DDX27: variants seen among roughly 807,000 people sequenced by gnomAD.
DDX27 encodes the protein DEAD-box helicase 27.
A neutral mutation model predicts 99.3 loss-of-function variants in DDX27; 42 were observed. That is an observed-to-expected ratio of 0.42 (90% CI 0.33 to 0.55). The LOEUF is 0.55. DDX27 is among the 20% of genes least tolerant of loss of function. The pLI, the probability that DDX27 is intolerant of heterozygous loss-of-function variation, is 0.07. For synonymous variants in DDX27, 329 were observed against 353.8 expected, an observed-to-expected ratio of 0.93 and a Z score of 0.79; for missense variants, 798 against 976.8, an observed-to-expected ratio of 0.82 and a Z score of 2.44.
chr20:49,228,934 G>C lies in DDX27; in HGVS notation c.880+46G>C, dbSNP rs1388595202. 4 of 1,515,726 alleles carry C rather than the reference G, an allele frequency of 2.6e-6. No individual in the cohort carries two copies. The African/African-American group carries it at 5.5e-5, about 21-fold the overall frequency. 93.9% of individuals were successfully genotyped at this position (1,515,726 alleles called of 1,614,324 possible). ...TGCCAGCCCCTGAGAGACTGTGGTG[G>C]GGTGGAGGATGGATGTGCCCCGCCA... is the stretch of plus-strand genomic sequence containing the variant. On this transcript the variant is annotated intron_variant, in intron 8 of 20. Coordinates refer to ENST00000618172, the MANE Select transcript of DDX27 (RefSeq NM_017895.8).
intron 9 of DDX27, among the ~76,000 whole-genome samples, 196 bp from the exon 10 acceptor site, chr20:49,233,110 C>G (rs908978366): frequency 7.2e-5 from 11 of 152,172 alleles, no homozygotes; most frequent in African/African-American, 2.4e-4. Flanking sequence ...GTTATAACAT[C>G]TGTGACTGAC....
In DDX27 at chr20:49,221,372, G is replaced by T. The variant is rs1979675501; in HGVS notation, c.94-80G>T. The T allele has an allele frequency of 3.2e-6, 5 of 1,556,758 alleles. No individual in the cohort carries two copies. In the East Asian group the frequency reaches 1.1e-4, roughly 35 times the overall value. On this transcript the variant is annotated intron_variant, in intron 1 of 20. Transcript: ENST00000618172. ...TAAAGTGCTGGGATTACAGGTGTGA[G>T]CCACTGTGCCTGGCCCCTTCTTGCT...
At chr20:49,238,803 T>G in intron 14 of DDX27, 146 bp from the exon 15 acceptor site, 5 of 414,794 alleles carry the variant, frequency 1.2e-5, no homozygotes, top group South Asian at 2.7e-5. Flanking sequence ...AGAGACAGAG[T>G]CTGGCCACGT....
intron 1 of DDX27, among the ~76,000 whole-genome samples, chr20:49,220,583 A>G (rs1458577730): frequency 6.6e-6 from 1 of 151,538 alleles, no homozygotes; most frequent in African/African-American, 2.4e-5. Flanking sequence ...GGTCCCGTAC[A>G]CTGTCGCCAT....
chr20:49,237,773 G>A (rs1218416542), intron 14 of DDX27, among the ~76,000 whole-genome samples: 1 of 152,184 alleles, frequency 6.6e-6, no homozygotes, highest in East Asian at 1.9e-4. Context: ...GCTGAGCTGA[G>A]AGAACAAGGG....
chr20:49,232,855 G>C (rs2146714482), intron 9 of DDX27: 2 of 157,962 alleles, frequency 1.3e-5, no homozygotes. Flanking sequence ...CGGGAGAATC[G>C]CTTGAACCCG....
intron 7 of DDX27, among the ~76,000 whole-genome samples, chr20:49,226,955 C>T (rs967381423): frequency 1.6e-4 from 23 of 146,510 alleles, no homozygotes; most frequent in African/African-American, 4.5e-4. Flanking sequence ...CTCCGCCTCC[C>T]GGGTTCACGC....
chr20:49,230,065 T>C (rs1454280335), intron 8 of DDX27, 134 bp from the exon 9 acceptor site: 7 of 987,212 alleles, frequency 7.1e-6, no homozygotes, highest in Non-Finnish European at 8.6e-6. Context: ...ACCCATGTGC[T>C]TGGGCCTTTG....
intron 2 of DDX27, 113 bp downstream of exon 2, chr20:49,221,711 A>T: frequency 1.2e-6 from 1 of 862,248 alleles, no homozygotes; most frequent in South Asian, 2.7e-5. Flanking sequence ...AGCAGATACT[A>T]CAACTCCTTT....
Position 49,242,671 on chromosome 20 carries a change from T to C in DDX27, c.2194T>C (p.Tyr732His). The C allele has an allele frequency of 6.2e-7, 1 of 1,613,738 alleles. No homozygotes were observed. Among genetic ancestry groups the C allele is most frequent in the South Asian group, 1.1e-5 (1 of 91,060 alleles). Residue 732 changes from tyrosine (Y) to histidine (H), a missense_variant, in exon 19 of 21, where the codon TAT (tyrosine) becomes CAT (histidine). Tyr to His is a moderately conservative substitution (Grantham distance 83). Around this residue, in one of 2 missense-constraint regions of DDX27, gnomAD observed 553 missense variants for 727.9 expected, o/e 0.76. Coordinates refer to ENST00000618172, the MANE Select transcript of DDX27 (RefSeq NM_017895.8). The part of the protein sequence containing the change: ...TNTSKKALKQ[Y>H]RAGPSFEERK... The stretch of plus-strand genomic sequence containing the variant: ...CACAAGCAAGAAGGCCCTGAAACAG[T>C]ATCGAGCTGGGTAGGATTTTAAGTC...
chr20:49,242,717 CTTTTT>C (rs71186444), intron 19 of DDX27, 36 bp downstream of exon 19: 156 of 1,419,540 alleles, frequency 1.1e-4, no homozygotes, highest in East Asian at 4.0e-4. Flanking sequence ...CCTTGGTATT[CTTTTT>C]TTTTTTTTTT....
intron 7 of DDX27, 102 bp downstream of exon 7, chr20:49,226,637 G>A: frequency 2.8e-6 from 2 of 724,456 alleles, no homozygotes; most frequent in Non-Finnish European, 4.4e-6. Context: ...AATATTCTTG[G>A]TTTTTTGAAC....
intron 19 of DDX27, 85 bp downstream of exon 19, chr20:49,242,766 A>T (rs1312556089): frequency 1.2e-5 from 15 of 1,218,268 alleles, no homozygotes; most frequent in Non-Finnish European, 1.2e-6. Flanking sequence ...TCTGTCGCCC[A>T]GGGTGGAGTG....
rs1178927088 is a variant in DDX27, at chr20:49,236,564, CAG to C, written c.1687+57_1687+58del. The C allele has an allele frequency of 6.7e-7, 1 of 1,489,830 alleles. No homozygotes were observed. Among genetic ancestry groups the C allele is most frequent in the Non-Finnish European group, 9.0e-7 (1 of 1,116,154 alleles). 92.3% of individuals were successfully genotyped at this position (1,489,830 alleles called of 1,614,324 possible). A position where few individuals can be genotyped will look rare whatever the true frequency, so the allele number is the denominator to read the frequency against. ...AATGGCTCGGTGGGCGGGGCAAGGA[CAG>C]AGTGTAATGGCTGAGAGCAGGTACT... is the stretch of plus-strand genomic sequence containing the variant. On this transcript the variant is annotated intron_variant, in intron 14 of 20. Coordinates refer to ENST00000618172, the MANE Select transcript of DDX27 (RefSeq NM_017895.8). This position sits in a 1 kb window ranked among gnomAD's most constrained non-coding sequence, Gnocchi z 4.1.
rs373756644 is a variant in DDX27, at chr20:49,242,707, C to A, written c.2204+26C>A. The A allele has an allele frequency of 7.4e-5, 115 of 1,563,592 alleles. 2 individuals are homozygous for A. The African/African-American group carries it at 1.4e-3, about 20-fold the overall frequency. ...GTAGGATTTTAAGTCATCATGGAGCCCTTGGTATTCTTTTTTTTTTTTTTT... is the reference window on the plus strand; with the variant it reads ...GTAGGATTTTAAGTCATCATGGAGCACTTGGTATTCTTTTTTTTTTTTTTT... On this transcript the variant is annotated intron_variant, in intron 19 of 20. Coordinates refer to ENST00000618172, the MANE Select transcript of DDX27 (RefSeq NM_017895.8).
At chr20:49,238,452 C>T in intron 14 of DDX27, 1 of 162,300 alleles carries the variant, frequency 6.2e-6, no homozygotes, top group Non-Finnish European at 1.3e-5. Flanking sequence ...CAGGTGTGTG[C>T]CACCATGATG....
In DDX27 at chr20:49,223,569, TTTC is replaced by T. The variant is rs1014302374; in HGVS notation, c.466+139_466+141del. 4.9e-5 allele frequency: 36 copies of T among 736,854 alleles called. No individual in the cohort carries two copies. In the African/African-American group the frequency reaches 5.4e-4, roughly 11 times the overall value. The allele number at this position is 736,854 out of a possible 1,614,324, so 45.6% of individuals were successfully genotyped here. ...CTGCCTACTACATTGAACTCCTTTC[TTTC>T]TTTTTTTTTTTTTTTTAAGAGATGT... On this transcript the variant is annotated intron_variant, in intron 4 of 20. Transcript: ENST00000618172.
intron 8 of DDX27, 45 bp from the exon 9 acceptor site, chr20:49,230,154 G>A: frequency 1.3e-6 from 2 of 1,572,258 alleles, no homozygotes; most frequent in South Asian, 1.2e-5. Context: ...CAACACCCAT[G>A]AGCAGCTGAC....
chr20:49,228,138 T>C (rs1438853493), intron 7 of DDX27, among the ~76,000 whole-genome samples: 1 of 150,874 alleles, frequency 6.6e-6, no homozygotes, highest in African/African-American at 2.4e-5. Flanking sequence ...TGTGCCTGGC[T>C]GTATTTTTTC....
Sources: gnomAD v4.1 joint callset for allele counts (sites outside exome capture counted in the v4.1 genomes callset) on GRCh38, gnomAD v4.1.1 for gene constraint, gnomAD v4.1.1 regional missense constraint, Gnocchi (gnomAD v3.1) non-coding constraint, MANE v1.5 for transcripts, NCBI Gene and HGNC (gene_info 2026-07-23, HGNC 2026-07-21) for gene names.